PDGFC: variants seen among roughly 807,000 people sequenced by gnomAD.
PDGFC encodes the protein platelet derived growth factor C, also known as platelet-derived growth factor C.
A neutral mutation model predicts 35.5 loss-of-function variants in PDGFC; 12 were observed. The observed-to-expected ratio is 0.34, with a 90% confidence interval of 0.22 to 0.55. The LOEUF is 0.55. Ranked by LOEUF, PDGFC falls within the 20% of genes least tolerant of loss-of-function variation. The pLI is 0.91. For synonymous variants in PDGFC, 159 were observed against 148.8 expected, an observed-to-expected ratio of 1.07 and a Z score of -0.50; for missense variants, 322 against 412.4, an observed-to-expected ratio of 0.78 and a Z score of 1.90.
Position 156,817,928 on chromosome 4 carries a change from G to A in PDGFC, c.315-6911C>T, listed in dbSNP as rs537245633. ...ACAAAAATTAGCCTGGCGTGGTGGC[G>A]GATGCCTGTAATCCCAGCTACTCAG... is the stretch of plus-strand genomic sequence containing the variant. On this transcript the variant is annotated intron_variant, in intron 2 of 5. Coordinates refer to ENST00000502773, the MANE Select transcript of PDGFC (RefSeq NM_016205.3). Among the ~76,000 whole-genome samples, 11 of 151,060 alleles carry A rather than the reference G, an allele frequency of 7.3e-5. No homozygotes were observed. The East Asian group carries it at 1.8e-3, about 24-fold the overall frequency.
chr4:156,802,773 G>C (rs1195032084), intron 3 of PDGFC, among the ~76,000 whole-genome samples: 6 of 152,096 alleles, frequency 3.9e-5, no homozygotes. Flanking sequence ...GAAGACAATA[G>C]TGGGCAAGCC....
chr4:156,866,892 C>T (rs1209925627), intron 1 of PDGFC, among the ~76,000 whole-genome samples: 3 of 152,092 alleles, frequency 2.0e-5, no homozygotes, highest in Non-Finnish European at 4.4e-5. Context: ...ACAGTGAATG[C>T]ATCTCTAATC....
intron 3 of PDGFC, among the ~76,000 whole-genome samples, chr4:156,810,388 T>C (rs998714089): frequency 3.3e-5 from 5 of 151,918 alleles, no homozygotes; most frequent in Non-Finnish European, 7.4e-5. Flanking sequence ...TTATAACATT[T>C]ATAACATACT....
chr4:156,878,461 A>G (rs1730166718), intron 1 of PDGFC, among the ~76,000 whole-genome samples: 1 of 152,236 alleles, frequency 6.6e-6, no homozygotes, highest in African/African-American at 2.4e-5. Context: ...TCTAAATAAC[A>G]TAATTCCTTT....
intron 1 of PDGFC, among the ~76,000 whole-genome samples, chr4:156,954,896 T>C (rs1329645418): frequency 6.6e-6 from 1 of 152,038 alleles, no homozygotes; most frequent in Non-Finnish European, 1.5e-5. Flanking sequence ...TGGGTCTAAG[T>C]GGGCTGTTTT....
chr4:156,784,170 T>C, intron 3 of PDGFC, among the ~76,000 whole-genome samples: 1 of 152,116 alleles, frequency 6.6e-6, no homozygotes, highest in East Asian at 1.9e-4. Context: ...AAATGTCAAA[T>C]GTTAAAGCCA....
intron 1 of PDGFC, among the ~76,000 whole-genome samples, chr4:156,877,975 T>C (rs1163265800): frequency 6.6e-6 from 1 of 152,184 alleles, no homozygotes; most frequent in Non-Finnish European, 1.5e-5. Flanking sequence ...ATAGCACATA[T>C]AATAAAGCAA....
At chr4:156,893,325 T>C (rs542848958) in intron 1 of PDGFC, among the ~76,000 whole-genome samples, 2 of 140,764 alleles carry the variant, frequency 1.4e-5, no homozygotes, top group African/African-American at 2.5e-5. Flanking sequence ...AAGTAAAAAA[T>C]GCTCTAACTA....
chr4:156,764,507 GAGAT>G (rs1730465570), intron 5 of PDGFC, among the ~76,000 whole-genome samples: 1 of 152,140 alleles, frequency 6.6e-6, no homozygotes, highest in African/African-American at 2.4e-5. Context: ...AATTATTAGA[GAGAT>G]AGATAATAAT....
At chr4:156,900,380 T>G (rs1291842647) in intron 1 of PDGFC, among the ~76,000 whole-genome samples, 2 of 152,118 alleles carry the variant, frequency 1.3e-5, no homozygotes, top group Non-Finnish European at 2.9e-5. Context: ...AACAAGAATC[T>G]CCTAACCTGG....
chr4:156,767,640 C>T lies in PDGFC; in HGVS notation c.921+133G>A, dbSNP rs559632110. ...TAATTTTAAAAAACAAAAACATAAA[C>T]TATTTGTAGACCTCTTTTTTTTCCC... On this transcript the variant is annotated intron_variant, in intron 5 of 5. Coordinates refer to ENST00000502773, the MANE Select transcript of PDGFC (RefSeq NM_016205.3). 6 of 621,968 alleles carry T rather than the reference C, an allele frequency of 9.6e-6. No homozygotes were observed. In the East Asian group the frequency reaches 1.4e-4, roughly 14 times the overall value. 38.5% of individuals were successfully genotyped at this position (621,968 alleles called of 1,614,324 possible).
At chr4:156,803,758 A>G (rs1348219476) in intron 3 of PDGFC, among the ~76,000 whole-genome samples, 1 of 152,174 alleles carries the variant, frequency 6.6e-6, no homozygotes, top group Non-Finnish European at 1.5e-5. Context: ...TAAAAAATGT[A>G]TATAGAAAAT....
At chr4:156,961,853 CTT>C (rs1732350877) in intron 1 of PDGFC, among the ~76,000 whole-genome samples, 1 of 152,092 alleles carries the variant, frequency 6.6e-6, no homozygotes, top group South Asian at 2.1e-4. Flanking sequence ...GAAAATAGCT[CTT>C]TGTTTACATA....
intron 1 of PDGFC, among the ~76,000 whole-genome samples, chr4:156,905,350 A>G (rs1730889702): frequency 6.6e-6 from 1 of 152,120 alleles, no homozygotes; most frequent in African/African-American, 2.4e-5. Context: ...ATTCTCAAAA[A>G]AAGCCTCATA....
At chr4:156,852,192 G>A (rs959460953) in intron 1 of PDGFC, among the ~76,000 whole-genome samples, 3 of 152,062 alleles carry the variant, frequency 2.0e-5, no homozygotes, top group East Asian at 3.9e-4. Context: ...TGCCTCATTG[G>A]TATTCATAAT....
At chr4:156,893,567 C>A (rs1730563807) in intron 1 of PDGFC, among the ~76,000 whole-genome samples, 1 of 151,732 alleles carries the variant, frequency 6.6e-6, no homozygotes, top group South Asian at 2.1e-4. Context: ...GAACTCCTGG[C>A]CTCGAGTGAT....
At chr4:156,817,113 A>G (rs1732108052) in intron 2 of PDGFC, among the ~76,000 whole-genome samples, 1 of 152,166 alleles carries the variant, frequency 6.6e-6, no homozygotes, top group Non-Finnish European at 1.5e-5. Flanking sequence ...TACAAATGTT[A>G]TGTGGTGAGA....
At chr4:156,779,871 T>A (rs1034906952) in intron 3 of PDGFC, among the ~76,000 whole-genome samples, 1 of 152,028 alleles carries the variant, frequency 6.6e-6, no homozygotes, top group African/African-American at 2.4e-5. Context: ...AAGAAAAAAA[T>A]TCACCCTAGT....
chr4:156,810,382 A>G (rs1357906573), intron 3 of PDGFC, among the ~76,000 whole-genome samples: 2 of 151,950 alleles, frequency 1.3e-5, no homozygotes, highest in Non-Finnish European at 2.9e-5. Context: ...CACAATTTAT[A>G]ACATTTATAA....
Sources: gnomAD v4.1 joint callset for allele counts (sites outside exome capture counted in the v4.1 genomes callset) on GRCh38, gnomAD v4.1.1 for gene constraint, MANE v1.5 for transcripts, NCBI Gene and HGNC (gene_info 2026-07-23, HGNC 2026-07-21) for gene names.